Variants in MINAR1 observed in about 807,000 individuals in gnomAD.
MINAR1 encodes the protein major intrinsically disordered Notch2-binding receptor 1.
MINAR1 carries 40 observed loss-of-function variants against 65.1 expected under a neutral mutation model. The observed-to-expected ratio is 0.61, with a 90% confidence interval of 0.48 to 0.80. MINAR1 has a LOEUF of 0.80. MINAR1 is among the 30% of genes least tolerant of loss of function. The pLI is 0.00. For missense variants in MINAR1, 1,128 were observed against 1,148.0 expected, an observed-to-expected ratio of 0.98 and a Z score of 0.25; for synonymous variants, 482 against 449.1, an observed-to-expected ratio of 1.07 and a Z score of -0.93.
Position 79,457,674 on chromosome 15 carries a change from T to C in MINAR1, c.1527T>C (p.Asp509=). The change falls in exon 2 of 4, where the codon GAT becomes GAC. Residue 509 remains aspartate (D), a synonymous_variant. Coordinates refer to ENST00000305428, the MANE Select transcript of MINAR1 (RefSeq NM_015206.3). ...GGCACACCATGAAGCACTCAGACGA[T>C]GACTCAGAAATTGTCAGCGACGACA... The part of the protein sequence containing the change: ...SDRHTMKHSD[D]DSEIVSDDIS... 1 of 1,614,168 alleles carries C rather than the reference T, an allele frequency of 6.2e-7. No individual in the cohort carries two copies. The highest frequency in any genetic ancestry group is 8.5e-7 in the Non-Finnish European group (1 of 1,180,000).
intron 1 of MINAR1, among the ~76,000 whole-genome samples, chr15:79,440,566 C>CTGG (rs1894841949): frequency 6.6e-6 from 1 of 152,166 alleles, no homozygotes; most frequent in Admixed American, 6.5e-5. Flanking sequence ...AGGCCCTGGG[C>CTGG]TGGAAGCAGG....
At chr15:79,463,571 G>C (rs576118382) in intron 3 of MINAR1, 2 of 652,716 alleles carry the variant, frequency 3.1e-6, no homozygotes, top group Non-Finnish European at 5.6e-6. Flanking sequence ...ATTTTTTATC[G>C]GCCATCTGAT....
chr15:79,458,515 G>T, intron 2 of MINAR1, 70 bp downstream of exon 2: 1 of 1,535,636 alleles, frequency 6.5e-7, no homozygotes, highest in South Asian at 1.3e-5. Context: ...TCAAAGCCTT[G>T]AACATGGCGT....
At chr15:79,452,256 G>A (rs112969380) in intron 1 of MINAR1, among the ~76,000 whole-genome samples, 23 of 151,502 alleles carry the variant, frequency 1.5e-4, no homozygotes, top group African/African-American at 5.6e-4. Flanking sequence ...GTGCATGAGC[G>A]TGAGTCTGTG....
chr15:79,426,940 A>G, the MINAR1 span: 1 of 152,256 alleles, frequency 6.6e-6, no homozygotes. Flanking sequence ...AAGGCAAATA[A>G]ATAGTTCTAC....
chr15:79,466,073 G>T lies in MINAR1; in HGVS notation c.2554-2114G>T, dbSNP rs1288627663. 3.4e-3 allele frequency among the ~76,000 whole-genome samples: 515 copies of T among 152,282 alleles called. 2 individuals are homozygous for T. The highest frequency in any genetic ancestry group is 0.012 in the African/African-American group (488 of 41,576). ...AGGAGTTTCTTGCAAAGGCTGAAGG[G>T]TTGGACAGAGCACTCTGCACAATAG... On this transcript the variant is annotated intron_variant, in intron 3 of 3. Transcript: ENST00000305428.
chr15:79,429,843 C>T (rs914328707), upstream of MINAR1, among the ~76,000 whole-genome samples: 1 of 152,200 alleles, frequency 6.6e-6, no homozygotes, highest in Non-Finnish European at 1.5e-5. Flanking sequence ...GTCCACTGTG[C>T]GTGTGTGCAA....
chr15:79,469,048 T>A lies in MINAR1; in HGVS notation c.*664T>A, dbSNP rs938811765. On this transcript the variant is annotated 3_prime_UTR_variant, in exon 4 of 4. Coordinates refer to ENST00000305428, the MANE Select transcript of MINAR1 (RefSeq NM_015206.3). ...CTGGACTACCAAGTCAGGCGTGGAA[T>A]GAAGTATGCTCAGACTGCATGATGG... 2 of 154,738 alleles carry A rather than the reference T, an allele frequency of 1.3e-5. No homozygotes were observed. The highest frequency in any genetic ancestry group is 4.8e-5 in the African/African-American group (2 of 41,454). 9.6% of individuals were successfully genotyped at this position (154,738 alleles called of 1,614,324 possible).
At chr15:79,466,400 T>C (rs1270406311) in intron 3 of MINAR1, among the ~76,000 whole-genome samples, 1 of 152,236 alleles carries the variant, frequency 6.6e-6, no homozygotes, top group Non-Finnish European at 1.5e-5. Context: ...TCTGCCATTG[T>C]AGTGTGAAAG....
At position 79,466,870 on chromosome 15, in the gene MINAR1, C is replaced by T. The variant is rs1194229982; in HGVS notation, c.2554-1317C>T. Among the ~76,000 whole-genome samples, 4 of 152,234 alleles carry T rather than the reference C, an allele frequency of 2.6e-5. No individual in the cohort carries two copies. The South Asian group carries it at 6.2e-4, about 24-fold the overall frequency. ...GGAAAGGGGCTGTTTCTGAAACCCA[C>T]TGAGACCCACAGCTCTGAGAGCAGG... On this transcript the variant is annotated intron_variant, in intron 3 of 3. Transcript: ENST00000305428.
intron 1 of MINAR1, among the ~76,000 whole-genome samples, chr15:79,453,464 C>A (rs1895308560): frequency 1.3e-5 from 2 of 152,150 alleles, no homozygotes; most frequent in African/African-American, 4.8e-5. Flanking sequence ...ACTCTTCCTG[C>A]CCTACACAGT....
At chr15:79,450,870 G>A (rs192666647) in intron 1 of MINAR1, among the ~76,000 whole-genome samples, 3 of 152,312 alleles carry the variant, frequency 2.0e-5, no homozygotes, top group East Asian at 3.9e-4. Context: ...CATTGCTACA[G>A]CTGTTCCATG....
chr15:79,458,327 C>G lies in MINAR1; in HGVS notation c.2180C>G (p.Ser727Cys), dbSNP rs998356344. 6.2e-7 allele frequency: 1 copy of G among 1,614,192 alleles called. No individual in the cohort carries two copies. Among genetic ancestry groups the G allele is most frequent in the African/African-American group, 1.3e-5 (1 of 75,050 alleles). ...ACAGAGTCCAAAATTGCCAGCATCT[C>G]CAACTCGCCCAGAGACTGGCGCACC... is the stretch of plus-strand genomic sequence containing the variant. Reference protein sequence around the residue: ...SATESKIASISNSPRDWRTIT... With the variant: ...SATESKIASICNSPRDWRTIT... The change falls in exon 2 of 4, where the codon TCC (serine) becomes TGC (cysteine). Residue 727 changes from serine to cysteine, a missense_variant. Ser to Cys is a moderately radical substitution (Grantham distance 112). Coordinates refer to ENST00000305428, the MANE Select transcript of MINAR1 (RefSeq NM_015206.3).
chr15:79,436,504 T>C (rs1278040992), intron 1 of MINAR1, among the ~76,000 whole-genome samples: 1 of 152,216 alleles, frequency 6.6e-6, no homozygotes, highest in Non-Finnish European at 1.5e-5. Context: ...GTGAAGCTGA[T>C]AAATGTGTTC....
intron 1 of MINAR1, among the ~76,000 whole-genome samples, chr15:79,436,356 C>T (rs964515180): frequency 1.3e-5 from 2 of 152,134 alleles, no homozygotes; most frequent in African/African-American, 4.8e-5. Context: ...CACATCGTGG[C>T]ATGCGGCTGT....
intron 1 of MINAR1, among the ~76,000 whole-genome samples, chr15:79,448,291 A>C (rs1354420329): frequency 6.6e-6 from 1 of 152,238 alleles, no homozygotes; most frequent in Admixed American, 6.5e-5. Context: ...GAGAAACAGA[A>C]GTGTAACCCC....
chr15:79,442,898 T>C (rs563076595), intron 1 of MINAR1, among the ~76,000 whole-genome samples: 154 of 152,270 alleles, frequency 1.0e-3, no homozygotes, highest in Non-Finnish European at 1.7e-3. Context: ...TCAGTGTTTG[T>C]TTTTTGTTTG....
At chr15:79,417,721 A>G in the MINAR1 span, 1 of 152,232 alleles carries the variant, frequency 6.6e-6, no homozygotes, top group Non-Finnish European at 1.5e-5. Context: ...CTTTAAAAGT[A>G]TGGAGCAAAC....
At chr15:79,428,063 G>A (rs898818691), upstream of MINAR1, among the ~76,000 whole-genome samples, 6 of 151,982 alleles carry the variant, frequency 3.9e-5, no homozygotes, top group Admixed American at 3.3e-4. Flanking sequence ...CAGCCCAGAG[G>A]AGGAAACAGT....
Sources: gnomAD v4.1 joint callset for allele counts (sites outside exome capture counted in the v4.1 genomes callset) on GRCh38, gnomAD v4.1.1 for gene constraint, MANE v1.5 for transcripts, NCBI Gene and HGNC (gene_info 2026-07-23, HGNC 2026-07-21) for gene names.